Variants in CFAP46 observed in about 807,000 individuals in gnomAD.
CFAP46 encodes cilia- and flagella-associated protein 46.
A neutral mutation model predicts 325.7 loss-of-function variants in CFAP46; 245 were observed. The observed-to-expected ratio is 0.75, with a 90% CI of 0.68 to 0.84. CFAP46 has a LOEUF of 0.84. Among genes scored for constraint, CFAP46 ranks in the 40% least tolerant of loss-of-function variants. The pLI is 0.00. For missense variants in CFAP46, 3,346 were observed against 3,543.0 expected, an observed-to-expected ratio of 0.94 and a Z score of 1.41; for synonymous variants, 1,523 against 1,495.9, an observed-to-expected ratio of 1.02 and a Z score of -0.42.
intron 25 of CFAP46, among the ~76,000 whole-genome samples, chr10:132,891,243 C>T (rs1187967317): frequency 2.0e-5 from 3 of 152,184 alleles, no homozygotes; most frequent in Non-Finnish European, 4.4e-5. Context: ...ACATTCTAAG[C>T]CCCCCAACCG....
intron 35 of CFAP46, among the ~76,000 whole-genome samples, chr10:132,862,298 T>C (rs1196022103): frequency 6.6e-6 from 1 of 152,062 alleles, no homozygotes; most frequent in Admixed American, 6.5e-5. Context: ...CCTGCGGGGC[T>C]TGTTGAGGGC....
intron 44 of CFAP46, among the ~76,000 whole-genome samples, chr10:132,845,090 T>G (rs1036010975): frequency 1.3e-5 from 2 of 152,188 alleles, no homozygotes; most frequent in Non-Finnish European, 2.9e-5. Flanking sequence ...TAGCCCATTT[T>G]AATTCCCGCT....
chr10:132,897,362 T>C (rs1849332939), intron 24 of CFAP46, among the ~76,000 whole-genome samples: 1 of 152,224 alleles, frequency 6.6e-6, no homozygotes. Context: ...AGGTATCTGC[T>C]GAGGGATTAA....
At chr10:132,932,899 G>A (rs972119439) in intron 8 of CFAP46, among the ~76,000 whole-genome samples, 4 of 152,210 alleles carry the variant, frequency 2.6e-5, no homozygotes, top group East Asian at 1.9e-4. Flanking sequence ...GTTTCCCTCC[G>A]GGACGCCTCT....
intron 23 of CFAP46, 27 bp downstream of exon 23, chr10:132,899,508 C>T: frequency 6.5e-7 from 1 of 1,530,558 alleles, no homozygotes; most frequent in Non-Finnish European, 8.8e-7. Flanking sequence ...GGGACAGAGC[C>T]CACCCCAGCC....
chr10:132,851,021 C>T, intron 40 of CFAP46, 96 bp downstream of exon 40: 2 of 1,459,066 alleles, frequency 1.4e-6, no homozygotes, highest in Non-Finnish European at 9.5e-7. Context: ...GCCAGGTGCA[C>T]AGTGGTGGAG....
chr10:132,895,179 G>A (rs4320880), intron 24 of CFAP46, among the ~76,000 whole-genome samples: 39,918 of 152,164 alleles, frequency 0.26, 6,400 homozygotes, highest in Admixed American at 0.45. Context: ...GTGATGCACA[G>A]TATTCAGCAT....
chr10:132,902,580 ACTC>A (rs1564795248), intron 22 of CFAP46, among the ~76,000 whole-genome samples: 2 of 150,752 alleles, frequency 1.3e-5, no homozygotes, highest in Non-Finnish European at 3.0e-5. Context: ...GCTGTTTTCA[ACTC>A]CTCATCTGCT....
rs376456746 is a variant in CFAP46, at chr10:132,934,467, C to T, written c.866+285G>A. On this transcript the variant is annotated intron_variant, in intron 8 of 57. Transcript: ENST00000368586. ...AACCTGTGTTTTCCCACCCATGGAACGCCACGCAGCCACCAGAACCGTGAG... is the reference window on the plus strand; with the variant it reads ...AACCTGTGTTTTCCCACCCATGGAATGCCACGCAGCCACCAGAACCGTGAG... Among the ~76,000 whole-genome samples, 337 of 152,306 alleles carry T rather than the reference C, an allele frequency of 2.2e-3. 1 individual carries two copies. Among genetic ancestry groups the T allele is most frequent in the African/African-American group, 6.5e-3 (272 of 41,562 alleles).
At chr10:132,815,812 T>C (rs993159492) in intron 50 of CFAP46, among the ~76,000 whole-genome samples, 5 of 152,128 alleles carry the variant, frequency 3.3e-5, no homozygotes, top group Admixed American at 3.3e-4. Flanking sequence ...AGAGAAAAGC[T>C]GAACTGAGTG....
At position 132,823,383 on chromosome 10, in the gene CFAP46, T is replaced by C. The variant is rs1171575538; in HGVS notation, c.7118-8469A>G. Among the ~76,000 whole-genome samples the C allele has an allele frequency of 1.1e-3, 143 of 134,030 alleles. 1 individual carries two copies. Among genetic ancestry groups the C allele is most frequent in the African/African-American group, 3.9e-3 (133 of 33,900 alleles). The allele number at this position is 134,030 out of a possible 152,430, so 87.9% of individuals were successfully genotyped here. ...GCTGATGTGTGCTGTGTGCTGTGTGTGCACTGATGTGTGCTGTGTGTGTGC... is the reference window on the plus strand; with the variant it reads ...GCTGATGTGTGCTGTGTGCTGTGTGCGCACTGATGTGTGCTGTGTGTGTGC... On this transcript the variant is annotated intron_variant, in intron 50 of 57. Transcript: ENST00000368586.
chr10:132,810,971 A>C lies in CFAP46; in HGVS notation c.7562T>G (p.Met2521Arg). The C allele has an allele frequency of 6.2e-7, 1 of 1,606,462 alleles. No individual in the cohort carries two copies. Among genetic ancestry groups the C allele is most frequent in the Non-Finnish European group, 8.5e-7 (1 of 1,176,598 alleles). Reference sequence around the variant, plus strand: ...GCACCTCCTGTGCTCCACGCTCTCCATGTGCCTCTTCAAGCTCTGGTAGGA... The same window carrying C: ...GCACCTCCTGTGCTCCACGCTCTCCCTGTGCCTCTTCAAGCTCTGGTAGGA... ...ARSYQSLKRH[M>R]ESVEHRRSVG... is the part of the protein sequence containing the mutation. The change falls in exon 56 of 58, where the codon ATG (methionine) becomes AGG (arginine). Residue 2521 changes from methionine (M) to arginine (R), a missense_variant. Met to Arg is a moderately conservative substitution (Grantham distance 91). Transcript: ENST00000368586.
Position 132,929,593 on chromosome 10 carries a change from G to A in CFAP46, c.966+112C>T, listed in dbSNP as rs144053084. ...GACGGCAATGTGCCAACCACGGACCGAAGCCCTGGGGGCCGTGGCCTGGTG... is the reference window on the plus strand; with the variant it reads ...GACGGCAATGTGCCAACCACGGACCAAAGCCCTGGGGGCCGTGGCCTGGTG... On this transcript the variant is annotated intron_variant, in intron 9 of 57. Transcript: ENST00000368586. 998 of 1,015,434 alleles carry A rather than the reference G, an allele frequency of 9.8e-4. 2 individuals are homozygous for A. The highest frequency in any genetic ancestry group is 9.8e-3 in the African/African-American group (621 of 63,392). 62.9% of individuals were successfully genotyped at this position (1,015,434 alleles called of 1,614,324 possible). A position where few individuals can be genotyped will look rare whatever the true frequency, so the allele number is the denominator to read the frequency against.
At chr10:132,912,512 C>CTCTCTCTTCACCTCTCTCCTCCCCT in intron 19 of CFAP46, 143 bp downstream of exon 19, 1 of 569,026 alleles carries the variant, frequency 1.8e-6, no homozygotes, top group Non-Finnish European at 2.6e-6. Context: ...TCTCTCCTCT[C>CTCTCTCTTCACCTCTCTCCTCCCCT]CTCTCTCTCT....
rs1024292911 is a variant in CFAP46 at position 132,920,159 on chromosome 10, G to A, written c.1630C>T (p.Arg544Trp). 22 of 1,546,144 alleles carry A rather than the reference G, an allele frequency of 1.4e-5. No homozygotes were observed. Among genetic ancestry groups the A allele is most frequent in the African/African-American group, 2.7e-5 (2 of 72,764 alleles). ...AKVSTGKNRG[R>W]FTYLCAKAWH... ...GCCTTCGCACAGAGGTAGGTGAACC[G>A]GCCCCTGTTCTTCCCGGTGGAGACT... The change falls in exon 14 of 58, where the codon CGG (arginine) becomes TGG (tryptophan). Residue 544 changes from arginine to tryptophan, a missense_variant. Arg to Trp is a moderately radical substitution (Grantham distance 101). Transcript: ENST00000368586.
At position 132,889,643 on chromosome 10, in the gene CFAP46, G is replaced by A. The variant is rs187595988; in HGVS notation, c.3304+2690C>T. On this transcript the variant is annotated intron_variant, in intron 25 of 57. Coordinates refer to ENST00000368586, the MANE Select transcript of CFAP46 (RefSeq NM_001200049.3). The surrounding 1 kb of genome is among the most constrained non-coding windows in gnomAD (Gnocchi z 6.0). ...TGATTGACCCACAGCCATGTCCTGG[G>A]ACCACCCAGTACACATCCAATTCAC... Among the ~76,000 whole-genome samples the A allele has an allele frequency of 9.2e-5, 14 of 152,280 alleles. No homozygotes were observed. The highest frequency in any genetic ancestry group is 1.8e-4 in the Non-Finnish European group (12 of 68,030).
chr10:132,875,239 AG>A (rs138339894), intron 31 of CFAP46, among the ~76,000 whole-genome samples: 13,567 of 152,130 alleles, frequency 0.089, 1,681 homozygotes, highest in African/African-American at 0.28. Flanking sequence ...GAGATGCTGA[AG>A]AAGACCTACG....
intron 36 of CFAP46, 118 bp downstream of exon 36, chr10:132,860,664 G>T: frequency 1.6e-6 from 2 of 1,251,754 alleles, no homozygotes; most frequent in South Asian, 1.4e-5. Flanking sequence ...GTGGGGCAGG[G>T]ATGGATCCAG....
intron 19 of CFAP46, among the ~76,000 whole-genome samples, chr10:132,912,209 C>T (rs1315308701): frequency 3.7e-5 from 4 of 107,498 alleles, no homozygotes; most frequent in Non-Finnish European, 8.3e-5. Flanking sequence ...CTCTCTCTTC[C>T]CTCTCCTCTC....
Sources: gnomAD v4.1 joint callset for allele counts (sites outside exome capture counted in the v4.1 genomes callset) on GRCh38, gnomAD v4.1.1 for gene constraint, Gnocchi (gnomAD v3.1) non-coding constraint, MANE v1.5 for transcripts, NCBI Gene and HGNC (gene_info 2026-07-23, HGNC 2026-07-21) for gene names.